Variants in FAM220A observed in about 807,000 individuals in gnomAD.
The protein encoded by FAM220A is protein FAM220A.
For missense variants in FAM220A, 392 were observed against 321.6 expected (o/e 1.22, Z -1.68); for synonymous variants, 141 against 130.7 (o/e 1.08, Z -0.54).
intron 1 of FAM220A, among the ~76,000 whole-genome samples, chr7:6,339,765 C>A (rs1395026378): frequency 1.3e-5 from 2 of 152,010 alleles, no homozygotes; most frequent in Non-Finnish European, 2.9e-5. Context: ...GCCACTGTGC[C>A]CAGCCGTACC....
intron 1 of FAM220A, among the ~76,000 whole-genome samples, chr7:6,334,060 A>C (rs1244509639): frequency 6.6e-6 from 1 of 150,670 alleles, no homozygotes; most frequent in Admixed American, 6.6e-5. Flanking sequence ...GTTAGCCAGG[A>C]TGGAATCTAT....
intron 1 of FAM220A, among the ~76,000 whole-genome samples, chr7:6,345,977 C>G (rs1454143241): frequency 1.3e-5 from 2 of 152,046 alleles, no homozygotes; most frequent in East Asian, 3.9e-4. Flanking sequence ...CCATATTGTC[C>G]AGGCTGGTCT....
chr7:6,331,676 G>C (rs565377554), intron 1 of FAM220A, among the ~76,000 whole-genome samples: 1 of 151,428 alleles, frequency 6.6e-6, no homozygotes, highest in African/African-American at 2.4e-5. Flanking sequence ...CACCACGCCC[G>C]GCCTAGTGGA....
In FAM220A at chr7:6,330,708, C is replaced by A; in HGVS notation, c.447G>T (p.Glu149Asp). 1 of 1,614,130 alleles carries A rather than the reference C, an allele frequency of 6.2e-7. No individual in the cohort carries two copies. Among genetic ancestry groups the A allele is most frequent in the Non-Finnish European group, 8.5e-7 (1 of 1,180,034 alleles). Reference protein sequence around the residue: ...DGHRGQCPKGEPRVSRLPRHQ... With the variant: ...DGHRGQCPKGDPRVSRLPRHQ... ...GGCGTGGCAGTCGTGACACCCGAGG[C>A]TCTCCTTTGGGGCACTGTCCTCTGT... is the stretch of plus-strand genomic sequence containing the variant. The change falls in exon 2 of 2, where the codon GAG becomes GAT. Residue 149 changes from glutamate to aspartate, a missense_variant. Coordinates refer to ENST00000313324, the MANE Select transcript of FAM220A (RefSeq NM_001037163.2).
intron 1 of FAM220A, among the ~76,000 whole-genome samples, chr7:6,348,187 T>C (rs1781992163): frequency 7.0e-6 from 1 of 142,942 alleles, no homozygotes; most frequent in Non-Finnish European, 1.5e-5. Flanking sequence ...ATTACAGGAG[T>C]AAGCCACCGC....
chr7:6,342,138 G>A (rs1214774882), intron 1 of FAM220A, among the ~76,000 whole-genome samples: 5 of 152,066 alleles, frequency 3.3e-5, no homozygotes, highest in Admixed American at 3.3e-4. Context: ...GTATTAGGTT[G>A]GTATACCAAG....
intron 1 of FAM220A, among the ~76,000 whole-genome samples, chr7:6,346,546 A>G (rs1203473448): frequency 2.6e-5 from 4 of 152,030 alleles, no homozygotes; most frequent in Non-Finnish European, 4.4e-5. Context: ...ACGCCCAGCT[A>G]ATTTTTTGTA....
intron 1 of FAM220A, among the ~76,000 whole-genome samples, chr7:6,337,620 T>G (rs1275427418): frequency 6.6e-6 from 1 of 151,638 alleles, no homozygotes; most frequent in Non-Finnish European, 1.5e-5. Context: ...ACTAACGCAG[T>G]ATAAGGTACC....
intron 1 of FAM220A, among the ~76,000 whole-genome samples, chr7:6,339,937 T>A (rs1372097762): frequency 6.6e-6 from 1 of 151,874 alleles, no homozygotes; most frequent in East Asian, 1.9e-4. Context: ...CAGGCTGGAG[T>A]GCAGCTGCAT....
At chr7:6,342,784 C>T (rs11983545) in intron 1 of FAM220A, among the ~76,000 whole-genome samples, 2,918 of 152,148 alleles carry the variant, frequency 0.019, 105 homozygotes, top group African/African-American at 0.066. Context: ...CACTTGTAAT[C>T]TCAGCACTTT....
chr7:6,330,162 T>A lies in FAM220A; in HGVS notation c.*213A>T, dbSNP rs1010106605. The A allele has an allele frequency of 3.5e-5, 20 of 572,644 alleles. No individual in the cohort carries two copies. The highest frequency in any genetic ancestry group is 9.3e-4 in the Middle Eastern group (2 of 2,150). The allele number at this position is 572,644 out of a possible 1,614,324, so 35.5% of individuals were successfully genotyped here. On this transcript the variant is annotated 3_prime_UTR_variant, in exon 2 of 2. Coordinates refer to ENST00000313324, the MANE Select transcript of FAM220A (RefSeq NM_001037163.2). Reference sequence around the variant, plus strand: ...CTGAAATGTTTCCCAATTCTTTATATGTCTTTTAAAGCACAATTTAACACA... The same window carrying A: ...CTGAAATGTTTCCCAATTCTTTATAAGTCTTTTAAAGCACAATTTAACACA...
At position 6,336,667 on chromosome 7, in the gene FAM220A, G is replaced by A. The variant is rs149148261; in HGVS notation, c.-81-5432C>T. 6.1e-4 allele frequency among the ~76,000 whole-genome samples: 90 copies of A among 148,136 alleles called. 1 individual carries two copies. Among genetic ancestry groups the A allele is most frequent in the African/African-American group, 2.0e-3 (80 of 40,032 alleles). ...CCACTGTACTCCAGCCTGAGAGAGC[G>A]AGCAAGACTTTGTCCAAAAAAAAAA... On this transcript the variant is annotated intron_variant, in intron 1 of 1. Coordinates refer to ENST00000313324, the MANE Select transcript of FAM220A (RefSeq NM_001037163.2).
At chr7:6,342,670 C>T (rs1021479653) in intron 1 of FAM220A, among the ~76,000 whole-genome samples, 1 of 152,126 alleles carries the variant, frequency 6.6e-6, no homozygotes, top group Non-Finnish European at 1.5e-5. Flanking sequence ...TTCGTAGTAA[C>T]ATTATTCACA....
Position 6,348,614 on chromosome 7 carries a change from G to A in FAM220A, c.-123C>T. Reference sequence around the variant, plus strand: ...AGCATCATGGAAGCCACGATGTAGAGGTAGGGGAAGTTGATACGCAGCCGC... The same window carrying A: ...AGCATCATGGAAGCCACGATGTAGAAGTAGGGGAAGTTGATACGCAGCCGC... On this transcript the variant is annotated 5_prime_UTR_variant, in exon 1 of 2. Coordinates refer to ENST00000313324, the MANE Select transcript of FAM220A (RefSeq NM_001037163.2). 1 of 491,828 alleles carries A rather than the reference G, an allele frequency of 2.0e-6. No homozygotes were observed. The highest frequency in any genetic ancestry group is 3.7e-6 in the Non-Finnish European group (1 of 273,536). 30.5% of individuals were successfully genotyped at this position (491,828 alleles called of 1,614,324 possible).
chr7:6,335,977 A>G lies in FAM220A; in HGVS notation c.-81-4742T>C, dbSNP rs78584233. On this transcript the variant is annotated intron_variant, in intron 1 of 1. Transcript: ENST00000313324. ...CACTTGAGGACAGGAGTTCGAGATC[A>G]GCCTGGTCTACACGGTGAAACCCCG... 2.0e-5 allele frequency among the ~76,000 whole-genome samples: 3 copies of G among 152,192 alleles called. No individual in the cohort carries two copies. In the East Asian group the frequency reaches 5.8e-4, roughly 29 times the overall value.
rs1782003092 is a variant in FAM220A at position 6,348,735 on chromosome 7, C to T, written c.-244G>A. On this transcript the variant is annotated 5_prime_UTR_variant, in exon 1 of 2. Coordinates refer to ENST00000313324, the MANE Select transcript of FAM220A (RefSeq NM_001037163.2). ...CGGCCGAGCGCGAGAGCCGGACAGC[C>T]AGGCCCGACAGAGCCGCCGCCATAT... 4.8e-6 allele frequency: 2 copies of T among 412,568 alleles called. No homozygotes were observed. Among genetic ancestry groups the T allele is most frequent in the African/African-American group, 2.1e-5 (1 of 48,738 alleles). 25.6% of individuals were successfully genotyped at this position (412,568 alleles called of 1,614,324 possible).
chr7:6,348,605 C>T lies in FAM220A; in HGVS notation c.-114G>A, dbSNP rs1782000491. ...CGGACGTTGAGCATCATGGAAGCCA[C>T]GATGTAGAGGTAGGGGAAGTTGATA... On this transcript the variant is annotated 5_prime_UTR_variant, in exon 1 of 2. It adds an upstream start codon to the 5' untranslated region. Transcript: ENST00000313324. 2 of 464,506 alleles carry T rather than the reference C, an allele frequency of 4.3e-6. No individual in the cohort carries two copies. Among genetic ancestry groups the T allele is most frequent in the South Asian group, 4.1e-5 (1 of 24,146 alleles). The allele number at this position is 464,506 out of a possible 1,614,324, so 28.8% of individuals were successfully genotyped here.
intron 1 of FAM220A, among the ~76,000 whole-genome samples, chr7:6,334,994 C>T (rs1042688718): frequency 1.0e-4 from 15 of 150,208 alleles, no homozygotes; most frequent in African/African-American, 2.0e-4. Flanking sequence ...CTCAAACTCC[C>T]GACCTCAGGT....
At chr7:6,331,660 G>A (rs1243254610) in intron 1 of FAM220A, among the ~76,000 whole-genome samples, 4 of 151,752 alleles carry the variant, frequency 2.6e-5, no homozygotes, top group Admixed American at 6.6e-5. Flanking sequence ...GATTACAGGC[G>A]TGAGCCACCA....
Sources: gnomAD v4.1 joint callset for allele counts (sites outside exome capture counted in the v4.1 genomes callset) on GRCh38, gnomAD v4.1.1 for gene constraint, MANE v1.5 for transcripts, NCBI Gene and HGNC (gene_info 2026-07-23, HGNC 2026-07-21) for gene names.